NALF1: variants seen among roughly 807,000 people sequenced by gnomAD.
NALF1 encodes the protein family with sequence similarity 155 member A.
NALF1 carries 3 observed loss-of-function variants against 48.4 expected under a neutral mutation model. The observed-to-expected ratio is 0.06, with a 90% CI of 0.03 to 0.16. NALF1 has a LOEUF of 0.16. Among genes scored for constraint, NALF1 ranks in the 10% least tolerant of loss-of-function variants. The pLI is 1.00. For missense variants in NALF1, 526 were observed against 571.5 expected (o/e 0.92, Z 0.81); for synonymous variants, 262 against 245.7 (o/e 1.07, Z -0.62).
intron 2 of NALF1, among the ~76,000 whole-genome samples, chr13:107,204,434 T>TG (rs5806634): frequency 0.36 from 54,094 of 152,024 alleles, 10,420 homozygotes; most frequent in Middle Eastern, 0.49. Flanking sequence ...GACCTTACAG[T>TG]GGGGGCGATT....
rs144912309 is a variant in NALF1 at position 107,390,730 on chromosome 13, C to T, written c.916-179975G>A. On this transcript the variant is annotated intron_variant, in intron 1 of 2. Coordinates refer to ENST00000375915, the MANE Select transcript of NALF1 (RefSeq NM_001080396.3). ...TGTCATTTCACAGATAAGAGAGGGA[C>T]GGCACAGAGAGATAAAGTAAATTGC... Among the ~76,000 whole-genome samples the T allele has an allele frequency of 1.1e-3, 171 of 152,034 alleles. 1 individual carries two copies. The highest frequency in any genetic ancestry group is 3.8e-3 in the African/African-American group (159 of 41,460).
At chr13:107,445,528 G>A (rs899118918) in intron 1 of NALF1, among the ~76,000 whole-genome samples, 7 of 152,142 alleles carry the variant, frequency 4.6e-5, no homozygotes, top group African/African-American at 9.7e-5. Context: ...AAAACCATGC[G>A]TGTACAGGTA....
At chr13:107,715,635 T>A (rs1361755269) in intron 1 of NALF1, among the ~76,000 whole-genome samples, 1 of 152,010 alleles carries the variant, frequency 6.6e-6, no homozygotes, top group Non-Finnish European at 1.5e-5. Context: ...CTTTGTAGAG[T>A]CACGTACAGG....
Position 107,783,946 on chromosome 13 carries a change from T to C in NALF1, c.915+81736A>G, listed in dbSNP as rs1288143584. 3.3e-5 allele frequency among the ~76,000 whole-genome samples: 5 copies of C among 151,686 alleles called. No homozygotes were observed. The South Asian group carries it at 1.0e-3, about 32-fold the overall frequency. ...AGATGCACTCACTTCTTCTTCTACC[T>C]AGTATACTTTCAGAGCTGAGCTCCC... On this transcript the variant is annotated intron_variant, in intron 1 of 2. Transcript: ENST00000375915.
At chr13:107,685,836 A>T (rs1402556971) in intron 1 of NALF1, among the ~76,000 whole-genome samples, 1 of 152,256 alleles carries the variant, frequency 6.6e-6, no homozygotes, top group East Asian at 1.9e-4. Context: ...TGTTTTGAGC[A>T]GGATATTTTG....
At chr13:107,340,244 G>A (rs1166231724) in intron 1 of NALF1, among the ~76,000 whole-genome samples, 4 of 150,338 alleles carry the variant, frequency 2.7e-5, no homozygotes, top group Non-Finnish European at 2.9e-5. Context: ...GGGTTCAAGC[G>A]ATTCTCCTGC....
At chr13:107,352,735 T>C (rs1203601366) in intron 1 of NALF1, among the ~76,000 whole-genome samples, 1 of 152,160 alleles carries the variant, frequency 6.6e-6, no homozygotes, top group Admixed American at 6.6e-5. Context: ...TTTTGACATG[T>C]TGAGGGGCCT....
At position 107,202,696 on chromosome 13, in the gene NALF1, G is replaced by A. The variant is rs184063401; in HGVS notation, c.1087+7888C>T. The stretch of plus-strand genomic sequence containing the variant: ...CATTTTTAATGTGACGTGTGATGTT[G>A]AGAAATCAGGACATGTTTGTTGAAC... On this transcript the variant is annotated intron_variant, in intron 2 of 2. Coordinates refer to ENST00000375915, the MANE Select transcript of NALF1 (RefSeq NM_001080396.3). Among the ~76,000 whole-genome samples, 606 of 152,254 alleles carry A rather than the reference G, an allele frequency of 4.0e-3. 4 individuals are homozygous for A. Among genetic ancestry groups the A allele is most frequent in the Non-Finnish European group, 6.0e-3 (407 of 68,032 alleles).
chr13:107,666,265 C>CA (rs1206564076), intron 1 of NALF1, among the ~76,000 whole-genome samples: 2 of 151,928 alleles, frequency 1.3e-5, no homozygotes, highest in Non-Finnish European at 2.9e-5. Context: ...TTGAGCATGC[C>CA]AAAAAACTGT....
At chr13:107,417,651 A>AGTCCTTGATTTATTTATTTT (rs1246339709) in intron 1 of NALF1, among the ~76,000 whole-genome samples, 29 of 152,192 alleles carry the variant, frequency 1.9e-4, no homozygotes, top group Non-Finnish European at 1.5e-5. Flanking sequence ...ACTCCACTCC[A>AGTCCTTGATTTATTTATTTT]GTCCTTGTCT....
chr13:107,594,229 A>T (rs1878680912), intron 1 of NALF1, among the ~76,000 whole-genome samples: 1 of 152,096 alleles, frequency 6.6e-6, no homozygotes, highest in South Asian at 2.1e-4. Context: ...GCATGACAGC[A>T]ATAGTGCAAA....
intron 1 of NALF1, among the ~76,000 whole-genome samples, chr13:107,235,589 G>C (rs765540911): frequency 6.6e-6 from 1 of 152,170 alleles, no homozygotes; most frequent in Non-Finnish European, 1.5e-5. Flanking sequence ...ATAGTTTACT[G>C]TGTTGTTTAA....
chr13:107,558,178 C>A (rs1194357944), intron 1 of NALF1, among the ~76,000 whole-genome samples: 1 of 151,698 alleles, frequency 6.6e-6, no homozygotes, highest in Admixed American at 6.6e-5. Context: ...GGAGAAATTG[C>A]TCCAAAACAT....
chr13:107,724,713 C>T (rs56227438), intron 1 of NALF1, among the ~76,000 whole-genome samples: 3,179 of 152,154 alleles, frequency 0.021, 135 homozygotes, highest in African/African-American at 0.073. Flanking sequence ...AGACATGCAC[C>T]ACCATGCCCA....
At chr13:107,553,627 A>G (rs1877365198) in intron 1 of NALF1, among the ~76,000 whole-genome samples, 1 of 152,220 alleles carries the variant, frequency 6.6e-6, no homozygotes, top group South Asian at 2.1e-4. Flanking sequence ...ATATCAATAA[A>G]ATCTCACCAA....
At chr13:107,647,218 A>G (rs902464635) in intron 1 of NALF1, among the ~76,000 whole-genome samples, 1 of 152,090 alleles carries the variant, frequency 6.6e-6, no homozygotes, top group Non-Finnish European at 1.5e-5. Flanking sequence ...AATTAAATGC[A>G]AAGGAAGCAT....
chr13:107,443,748 C>T (rs561708007), intron 1 of NALF1, among the ~76,000 whole-genome samples: 15 of 152,056 alleles, frequency 9.9e-5, no homozygotes, highest in South Asian at 2.1e-4. Flanking sequence ...TACTGAGTGA[C>T]CATGATTGAA....
chr13:107,423,902 A>T (rs927833095), intron 1 of NALF1, among the ~76,000 whole-genome samples: 1 of 152,128 alleles, frequency 6.6e-6, no homozygotes, highest in Non-Finnish European at 1.5e-5. Context: ...TAATCTTCAA[A>T]TTATTTACTT....
chr13:107,707,386 T>C (rs1229221758), intron 1 of NALF1, among the ~76,000 whole-genome samples: 1 of 152,200 alleles, frequency 6.6e-6, no homozygotes, highest in Admixed American at 6.5e-5. Context: ...ACTTTTAAAA[T>C]TGTTTTGGCC....
Sources: allele counts gnomAD v4.1 joint callset (sites outside exome capture counted in the v4.1 genomes callset), GRCh38; gene constraint gnomAD v4.1.1; transcripts MANE v1.5; gene names NCBI Gene and HGNC (gene_info 2026-07-23, HGNC 2026-07-21).